The following SEPTIN7 variants were observed in gnomAD, a reference collection of about 807,000 sequenced individuals.
SEPTIN7 encodes the protein septin-7.
In SEPTIN7, 10 loss-of-function variants were observed where a neutral mutation model predicts 63.3. That is an observed-to-expected ratio of 0.16 (90% confidence interval 0.10 to 0.27). The LOEUF (loss-of-function observed/expected upper bound fraction) is 0.27, where lower values mean the gene tolerates loss of function less well. SEPTIN7 is among the 10% of genes least tolerant of loss of function. The pLI is 1.00. For missense variants in SEPTIN7, 310 were observed against 521.0 expected (o/e 0.59, Z 3.94); for synonymous variants, 131 against 165.3 (o/e 0.79, Z 1.59).
chr7:35,910,984 A>G (rs138030468), downstream of SEPTIN7, among the ~76,000 whole-genome samples: 78 of 152,328 alleles, frequency 5.1e-4, no homozygotes, highest in African/African-American at 1.9e-3. Flanking sequence ...CTGAAACCTT[A>G]TCATGAACCA....
intron 11 of SEPTIN7, among the ~76,000 whole-genome samples, chr7:35,895,874 G>A (rs1268050333): frequency 1.3e-5 from 2 of 152,112 alleles, no homozygotes; most frequent in Non-Finnish European, 2.9e-5. Context: ...ACAGTGGCAC[G>A]ATCTTGGCTC....
intron 3 of SEPTIN7, among the ~76,000 whole-genome samples, chr7:35,840,194 TTCCCCC>T (rs1784340812): frequency 1.5e-5 from 1 of 65,170 alleles, no homozygotes; most frequent in Admixed American, 2.3e-4. Context: ...CTCCTCCCCC[TTCCCCC>T]TCCCCCCTTT....
intron 6 of SEPTIN7, among the ~76,000 whole-genome samples, chr7:35,878,522 A>C (rs903885130): frequency 1.3e-5 from 2 of 152,162 alleles, no homozygotes; most frequent in African/African-American, 4.8e-5. Context: ...GTCAGGTCAT[A>C]ACTCCATAAG....
intron 4 of SEPTIN7, 107 bp from the exon 5 acceptor site, chr7:35,872,559 A>G (rs1786214582): frequency 2.7e-6 from 2 of 752,970 alleles, no homozygotes; most frequent in East Asian, 2.5e-5. Flanking sequence ...GTTTGCTAAC[A>G]GTTTCCCAGT....
downstream of SEPTIN7, among the ~76,000 whole-genome samples, chr7:35,907,634 G>C (rs1382407250): frequency 1.3e-5 from 2 of 152,102 alleles, no homozygotes; most frequent in Non-Finnish European, 1.5e-5. Context: ...ATTACGCCTT[G>C]CAAGTACCTG....
chr7:35,913,520 CTTCT>C, the SEPTIN7 span, among the ~76,000 whole-genome samples: 436 of 138,348 alleles, frequency 3.2e-3, 5 homozygotes, highest in African/African-American at 0.011. Flanking sequence ...TCCTTCCTTC[CTTCT>C]TTCTTTCCTT....
At chr7:35,847,476 T>C (rs1344895217) in intron 3 of SEPTIN7, 1 of 153,738 alleles carries the variant, frequency 6.5e-6, no homozygotes, top group East Asian at 1.9e-4. Context: ...AAATGTCAAA[T>C]TTGGTATTTG....
intron 3 of SEPTIN7, among the ~76,000 whole-genome samples, chr7:35,853,915 G>A (rs563545564): frequency 6.6e-6 from 1 of 152,132 alleles, no homozygotes; most frequent in Non-Finnish European, 1.5e-5. Context: ...TTAACTCTTT[G>A]GCACTAGTAA....
chr7:35,914,391 C>A, the SEPTIN7 span, among the ~76,000 whole-genome samples: 1 of 152,136 alleles, frequency 6.6e-6, no homozygotes, highest in Non-Finnish European at 1.5e-5. Flanking sequence ...ACAGATTACT[C>A]TCCATAGTGG....
intron 12 of SEPTIN7, 195 bp downstream of exon 12, chr7:35,898,578 G>C (rs1788097939): frequency 2.1e-6 from 1 of 473,910 alleles, no homozygotes; most frequent in Non-Finnish European, 3.9e-6. Context: ...CAATATGCAA[G>C]TGCTTGGACG....
chr7:35,837,469 T>C (rs779513326), intron 3 of SEPTIN7, among the ~76,000 whole-genome samples: 1 of 152,130 alleles, frequency 6.6e-6, no homozygotes, highest in Non-Finnish European at 1.5e-5. Context: ...AACATCGTTA[T>C]AGTTATACCT....
chr7:35,814,792 G>C lies in SEPTIN7; in HGVS notation c.61+13522G>C, dbSNP rs577013697. 2.2e-4 allele frequency among the ~76,000 whole-genome samples: 33 copies of C among 152,048 alleles called. 1 individual carries two copies. In the East Asian group the frequency reaches 6.4e-3, roughly 29 times the overall value. On this transcript the variant is annotated intron_variant, in intron 1 of 13. Coordinates refer to ENST00000350320, the MANE Select transcript of SEPTIN7 (RefSeq NM_001788.6). ...AGATCAAGACCATCCTGGCTAACAC[G>C]GTGAAACCCCGTCTCTACTAAAAAT...
intron 1 of SEPTIN7, among the ~76,000 whole-genome samples, chr7:35,813,979 T>G (rs1420842050): frequency 6.6e-6 from 1 of 152,118 alleles, no homozygotes; most frequent in African/African-American, 2.4e-5. Context: ...GTCATTAGTT[T>G]AGAACTTCAA....
chr7:35,844,511 G>A (rs1784559143), intron 3 of SEPTIN7, among the ~76,000 whole-genome samples: 4 of 152,190 alleles, frequency 2.6e-5, no homozygotes, highest in African/African-American at 9.6e-5. Context: ...ACTTAGTCCA[G>A]TTTAAAACTT....
chr7:35,815,150 C>G (rs780201813), intron 1 of SEPTIN7: 5 of 446,980 alleles, frequency 1.1e-5, no homozygotes, highest in South Asian at 7.9e-5. Context: ...TTTAGGGGTA[C>G]TTCTTTACTT....
intron 3 of SEPTIN7, among the ~76,000 whole-genome samples, chr7:35,837,118 G>T (rs1362641765): frequency 6.6e-6 from 1 of 152,108 alleles, no homozygotes; most frequent in Non-Finnish European, 1.5e-5. Context: ...TGTTAAATCT[G>T]AATATTCTTT....
At chr7:35,890,851 G>C in intron 11 of SEPTIN7, 58 bp downstream of exon 11, 2 of 1,306,306 alleles carry the variant, frequency 1.5e-6, no homozygotes, top group Non-Finnish European at 2.0e-6. Flanking sequence ...TAATCATATT[G>C]TTTCATTTTC....
intron 12 of SEPTIN7, 186 bp from the exon 13 acceptor site, chr7:35,902,890 T>A: frequency 1.2e-6 from 1 of 853,602 alleles, no homozygotes; most frequent in Non-Finnish European, 1.6e-6. Context: ...GTCACTGGCC[T>A]TTTGGGTGGC....
intron 3 of SEPTIN7, among the ~76,000 whole-genome samples, chr7:35,862,128 C>T (rs1301849873): frequency 1.3e-5 from 2 of 152,054 alleles, no homozygotes; most frequent in Admixed American, 6.6e-5. Context: ...AAGTTTACAG[C>T]ACCCAGAAGT....
Sources: allele counts gnomAD v4.1 joint callset (sites outside exome capture counted in the v4.1 genomes callset), GRCh38; gene constraint gnomAD v4.1.1; transcripts MANE v1.5; gene names NCBI Gene and HGNC (gene_info 2026-07-23, HGNC 2026-07-21).